PEX5: variants seen among roughly 807,000 people sequenced by gnomAD.
PEX5 encodes the protein PTS1 receptor.
PEX5 carries 52 observed loss-of-function variants against 82.9 expected under a neutral mutation model. The observed-to-expected ratio is 0.63, with a 90% CI of 0.50 to 0.79. PEX5 has a LOEUF of 0.79. Ranked by LOEUF, PEX5 falls within the 30% of genes least tolerant of loss-of-function variation. The pLI, the probability that PEX5 is intolerant of heterozygous loss-of-function variation, is 0.00. For synonymous variants in PEX5, 300 were observed against 318.8 expected (o/e 0.94, Z 0.63); for missense variants, 719 against 815.2 (o/e 0.88, Z 1.44).
intron 5 of PEX5, among the ~76,000 whole-genome samples, 189 bp from the exon 6 acceptor site, chr12:7,198,817 AATGGG>A (rs1316417216): frequency 9.2e-5 from 14 of 152,186 alleles, no homozygotes; most frequent in Admixed American, 9.2e-4. Context: ...GCTCCTTGAG[AATGGG>A]TTGGATATTG....
intron 10 of PEX5, among the ~76,000 whole-genome samples, chr12:7,204,627 A>G (rs1391559058): frequency 6.6e-6 from 1 of 152,228 alleles, no homozygotes; most frequent in African/African-American, 2.4e-5. Context: ...AAATATAGAT[A>G]ACACTTTTGT....
intron 7 of PEX5, 36 bp from the exon 8 acceptor site, chr12:7,202,205 T>C: frequency 1.2e-6 from 2 of 1,613,732 alleles, no homozygotes; most frequent in African/African-American, 1.3e-5. Context: ...CTGGAAGTCC[T>C]TTCCCAAGTG....
rs781713088 is a variant in PEX5, at chr12:7,203,536, A to G, written c.951A>G (p.Ser317=). 2.5e-6 allele frequency: 4 copies of G among 1,613,958 alleles called. No individual in the cohort carries two copies. Among genetic ancestry groups the G allele is most frequent in the Non-Finnish European group, 2.5e-6 (3 of 1,179,960 alleles). ...PWLSDYDDLT[S]ATYDKGYQFE... is the part of the protein sequence containing the mutation. Reference sequence around the variant, plus strand: ...TTTCTGACTATGATGACCTTACGTCAGCTACCTATGATAAGGTGAGGTAAA... The same window carrying G: ...TTTCTGACTATGATGACCTTACGTCGGCTACCTATGATAAGGTGAGGTAAA... Residue 317 remains serine (S), a synonymous_variant, in exon 10 of 16, where the codon TCA becomes TCG. Transcript: ENST00000675855.
rs1941110958 is a variant in PEX5, at chr12:7,191,507, T to G, written c.317-62T>G. ...GTGTTTTCACGTGGATTCAGGGTTCTTTAGGCATGATGGAATGGTATGTAT... is the reference window on the plus strand; with the variant it reads ...GTGTTTTCACGTGGATTCAGGGTTCGTTAGGCATGATGGAATGGTATGTAT... On this transcript the variant is annotated intron_variant, in intron 4 of 15. Coordinates refer to ENST00000675855, the MANE Select transcript of PEX5 (RefSeq NM_001351132.2). 1.9e-6 allele frequency: 3 copies of G among 1,606,282 alleles called. No homozygotes were observed. The Admixed American group carries it at 5.0e-5, about 27-fold the overall frequency.
At chr12:7,212,216 C>T (rs180982727), downstream of PEX5, among the ~76,000 whole-genome samples, 4 of 151,872 alleles carry the variant, frequency 2.6e-5, no homozygotes, top group East Asian at 1.9e-4. Context: ...CCACCCACCT[C>T]GGCCTCCCAA....
rs796297835 is a variant in PEX5, at chr12:7,197,122, A to AATT, written c.449-1887_449-1886insTAT. On this transcript the variant is annotated intron_variant, in intron 5 of 15. Coordinates refer to ENST00000675855, the MANE Select transcript of PEX5 (RefSeq NM_001351132.2). ...AATTATATATGTCATATAATGTAAT[A>AATT]ATATATGTCATATATAATGTAATAA... 2.8e-3 allele frequency among the ~76,000 whole-genome samples: 19 copies of AATT among 6,762 alleles called. 7 individuals carry two copies. Among genetic ancestry groups the AATT allele is most frequent in the Admixed American group, 0.018 (5 of 284 alleles). 4.4% of individuals were successfully genotyped at this position (6,762 alleles called of 152,430 possible). A position where few individuals can be genotyped will look rare whatever the true frequency, so the allele number is the denominator to read the frequency against.
intron 6 of PEX5, among the ~76,000 whole-genome samples, chr12:7,199,951 C>T (rs1481134365): frequency 1.0e-4 from 12 of 118,888 alleles, no homozygotes; most frequent in African/African-American, 2.8e-4. Flanking sequence ...CCCTCCTGGA[C>T]GGGGCGGCTG....
intron 6 of PEX5, among the ~76,000 whole-genome samples, chr12:7,201,270 TAC>T (rs534913441): frequency 0.12 from 14,674 of 117,684 alleles, 796 homozygotes; most frequent in South Asian, 0.3. Context: ...TACACATGTA[TAC>T]ACACACATAG....
intron 17 of PEX5, among the ~76,000 whole-genome samples, chr12:7,217,046 T>C (rs1317018212): frequency 6.6e-6 from 1 of 152,216 alleles, no homozygotes; most frequent in Non-Finnish European, 1.5e-5. Flanking sequence ...CAGTGTTTCA[T>C]TTGAAAAAAC....
At chr12:7,196,392 A>G (rs1171168906) in intron 5 of PEX5, among the ~76,000 whole-genome samples, 1 of 137,610 alleles carries the variant, frequency 7.3e-6, no homozygotes, top group Non-Finnish European at 1.5e-5. Context: ...ATTATGTGTC[A>G]TACATATATG....
At chr12:7,196,420 T>C (rs1298826917) in intron 5 of PEX5, among the ~76,000 whole-genome samples, 2 of 135,104 alleles carry the variant, frequency 1.5e-5, no homozygotes, top group Non-Finnish European at 3.2e-5. Flanking sequence ...TATAATGTAA[T>C]AATTATATGT....
chr12:7,190,191 C>G, intron 1 of PEX5, 171 bp from the exon 2 acceptor site: 1 of 1,536,734 alleles, frequency 6.5e-7, no homozygotes, highest in Non-Finnish European at 8.7e-7. Context: ...GAGAGAGTAC[C>G]GACCTCCCTC....
intron 6 of PEX5, among the ~76,000 whole-genome samples, chr12:7,200,290 T>C (rs913118837): frequency 6.3e-5 from 8 of 126,622 alleles, no homozygotes; most frequent in Admixed American, 1.6e-4. Context: ...TCTCAGACGA[T>C]GGGTGGTCGG....
rs1003735318 is a variant in PEX5, at chr12:7,189,707, C to A, written c.-60C>A. The A allele has an allele frequency of 1.1e-5, 4 of 379,390 alleles. No homozygotes were observed. Among genetic ancestry groups the A allele is most frequent in the Non-Finnish European group, 1.8e-5 (4 of 217,152 alleles). The allele number at this position is 379,390 out of a possible 1,614,324, so 23.5% of individuals were successfully genotyped here. A position where few individuals can be genotyped will look rare whatever the true frequency, so the allele number is the denominator to read the frequency against. On this transcript the variant is annotated 5_prime_UTR_variant, in exon 1 of 16. Coordinates refer to ENST00000675855, the MANE Select transcript of PEX5 (RefSeq NM_001351132.2). ...CCCCCTCTTCTCCCCTCCCCCAAGC[C>A]AGCACCTGGTGCCCCGGCGGGTCGT...
intron 10 of PEX5, among the ~76,000 whole-genome samples, chr12:7,204,071 T>C (rs921500887): frequency 5.3e-5 from 8 of 152,220 alleles, no homozygotes; most frequent in Non-Finnish European, 1.5e-5. Context: ...AATTTCTTAG[T>C]AGTATGAAAG....
At chr12:7,190,141 G>C in intron 1 of PEX5, 1 of 1,485,620 alleles carries the variant, frequency 6.7e-7, no homozygotes, top group Non-Finnish European at 8.9e-7. Flanking sequence ...CCTCTGCAGA[G>C]GCGCAGGCTG....
intron 6 of PEX5, among the ~76,000 whole-genome samples, chr12:7,201,323 A>G (rs899059550): frequency 7.6e-5 from 2 of 26,362 alleles, no homozygotes; most frequent in Non-Finnish European, 2.2e-4. Flanking sequence ...ATGTATATAC[A>G]TACACACATA....
chr12:7,201,827 T>C lies in PEX5; in HGVS notation c.628T>C (p.Leu210=). Residue 210 remains leucine, a synonymous_variant, in exon 7 of 16, where the codon TTG becomes CTG. Coordinates refer to ENST00000675855, the MANE Select transcript of PEX5 (RefSeq NM_001351132.2). ...TGTGGCCAAAGTGGATGACCCCAAATTGGCTAATTCTGAGGTGAGCCACAT... is the reference window on the plus strand; with the variant it reads ...TGTGGCCAAAGTGGATGACCCCAAACTGGCTAATTCTGAGGTGAGCCACAT... ...DFVAKVDDPK[L]ANSEFLKFVR... 1 of 1,613,128 alleles carries C rather than the reference T, an allele frequency of 6.2e-7. No homozygotes were observed. The highest frequency in any genetic ancestry group is 8.5e-7 in the Non-Finnish European group (1 of 1,179,096).
chr12:7,212,435 T>C (rs1175766515), downstream of PEX5, among the ~76,000 whole-genome samples: 1 of 144,394 alleles, frequency 6.9e-6, no homozygotes, highest in Non-Finnish European at 1.5e-5. Flanking sequence ...AGTCTAATTT[T>C]TTTTTTCCGG....
Sources: gnomAD v4.1 joint callset for allele counts (sites outside exome capture counted in the v4.1 genomes callset) on GRCh38, gnomAD v4.1.1 for gene constraint, MANE v1.5 for transcripts, NCBI Gene and HGNC (gene_info 2026-07-23, HGNC 2026-07-21) for gene names.